The following LOC128125817 variants were observed in gnomAD, a reference collection of about 807,000 sequenced individuals.
the LOC128125817 span, among the ~76,000 whole-genome samples, chr1:41,612,848 A>T: frequency 6.6e-6 from 1 of 152,350 alleles, no homozygotes; most frequent in Non-Finnish European, 1.5e-5. Flanking sequence ...TGCATGGAAG[A>T]GATGGGCAGA....
At chr1:41,603,550 G>A in the LOC128125817 span, among the ~76,000 whole-genome samples, 1 of 143,512 alleles carries the variant, frequency 7.0e-6, no homozygotes, top group Non-Finnish European at 1.5e-5. Flanking sequence ...AGTGGAAACG[G>A]GGTTTCACCA....
At chr1:41,605,375 GCACACACA>G in the LOC128125817 span, among the ~76,000 whole-genome samples, 4 of 126,624 alleles carry the variant, frequency 3.2e-5, no homozygotes, top group South Asian at 2.4e-4. Context: ...ACGCACACGC[GCACACACA>G]CACACACACA....
At chr1:41,606,520 G>C in the LOC128125817 span, among the ~76,000 whole-genome samples, 1 of 151,906 alleles carries the variant, frequency 6.6e-6, no homozygotes, top group Non-Finnish European at 1.5e-5. Flanking sequence ...AGTATGAATG[G>C]ACCCATGAGA....
At chr1:41,602,972 C>T in the LOC128125817 span, among the ~76,000 whole-genome samples, 2 of 152,172 alleles carry the variant, frequency 1.3e-5, no homozygotes. Context: ...TTCTTTGACC[C>T]AATGGTTGTT....
At chr1:41,586,440 C>T in the LOC128125817 span, among the ~76,000 whole-genome samples, 1 of 152,174 alleles carries the variant, frequency 6.6e-6, no homozygotes, top group African/African-American at 2.4e-5. Flanking sequence ...CCTCCCATGG[C>T]CAGAGTTTGT....
chr1:41,588,668 C>T, the LOC128125817 span, among the ~76,000 whole-genome samples: 1 of 152,130 alleles, frequency 6.6e-6, no homozygotes, highest in African/African-American at 2.4e-5. Flanking sequence ...AGGCCTCCTA[C>T]CCACACTTCT....
the LOC128125817 span, among the ~76,000 whole-genome samples, chr1:41,595,376 C>T: frequency 1.6e-4 from 24 of 152,312 alleles, no homozygotes; most frequent in Middle Eastern, 3.4e-3. Flanking sequence ...ATAGGGCCCA[C>T]CCAGTCTTCC....
chr1:41,605,806 G>A, the LOC128125817 span, among the ~76,000 whole-genome samples: 2,330 of 152,194 alleles, frequency 0.015, 68 homozygotes, highest in African/African-American at 0.053. Flanking sequence ...TGTTGGGTGT[G>A]CAGAGCATAG....
At chr1:41,601,635 T>C in the LOC128125817 span, among the ~76,000 whole-genome samples, 12 of 152,186 alleles carry the variant, frequency 7.9e-5, no homozygotes. Context: ...TTAGTTCTAA[T>C]ACTTTTTAAT....
chr1:41,607,593 CT>C, the LOC128125817 span, among the ~76,000 whole-genome samples: 85 of 148,934 alleles, frequency 5.7e-4, 1 homozygote, highest in African/African-American at 1.7e-3. Flanking sequence ...TAAGCTCTTC[CT>C]TTTTTTTTTC....
chr1:41,586,810 T>C, the LOC128125817 span, among the ~76,000 whole-genome samples: 1 of 152,162 alleles, frequency 6.6e-6, no homozygotes, highest in Non-Finnish European at 1.5e-5. Context: ...TGTGTGCCTT[T>C]TCTACTTGGT....
the LOC128125817 span, among the ~76,000 whole-genome samples, chr1:41,625,212 A>C: frequency 7.6e-6 from 1 of 132,060 alleles, no homozygotes; most frequent in Non-Finnish European, 1.6e-5. Flanking sequence ...AATACTTTGC[A>C]GTCAAGCCAA....
the LOC128125817 span, among the ~76,000 whole-genome samples, chr1:41,612,023 G>T: frequency 6.6e-6 from 1 of 151,966 alleles, no homozygotes; most frequent in Non-Finnish European, 1.5e-5. Context: ...TTCCTGCCTG[G>T]CAGTCTGGCT....
chr1:41,600,345 A>G, the LOC128125817 span, among the ~76,000 whole-genome samples: 1 of 152,346 alleles, frequency 6.6e-6, no homozygotes, highest in Admixed American at 6.5e-5. Context: ...AATGGATAAA[A>G]AATTCATTCA....
the LOC128125817 span, among the ~76,000 whole-genome samples, chr1:41,590,003 C>G: frequency 6.6e-6 from 1 of 152,224 alleles, no homozygotes; most frequent in Non-Finnish European, 1.5e-5. Context: ...AATGACCTAG[C>G]AACAAAGCCA....
At chr1:41,616,853 A>C in the LOC128125817 span, among the ~76,000 whole-genome samples, 5 of 152,172 alleles carry the variant, frequency 3.3e-5, no homozygotes, top group South Asian at 1.0e-3. Context: ...ATAGGTTGTG[A>C]GCAGTTATCC....
chr1:41,595,177 T>C, the LOC128125817 span, among the ~76,000 whole-genome samples: 2 of 152,236 alleles, frequency 1.3e-5, no homozygotes, highest in Non-Finnish European at 2.9e-5. Context: ...ATGAAATTCC[T>C]CCAACTGCCT....
the LOC128125817 span, among the ~76,000 whole-genome samples, chr1:41,612,150 C>G: frequency 6.6e-6 from 1 of 152,104 alleles, no homozygotes. Flanking sequence ...GGGTTCAAGC[C>G]CCTCCCTTGG....
the LOC128125817 span, among the ~76,000 whole-genome samples, chr1:41,626,323 A>G: frequency 1.3e-5 from 2 of 152,250 alleles, no homozygotes; most frequent in African/African-American, 2.4e-5. Flanking sequence ...GCACCAAGTC[A>G]GCACCTCATT....
Sources: allele counts gnomAD v4.1 joint callset (sites outside exome capture counted in the v4.1 genomes callset), GRCh38; gene constraint gnomAD v4.1.1; transcripts MANE v1.5.